The following CCDC13 variants were observed in gnomAD, a reference collection of about 807,000 sequenced individuals.
CCDC13 encodes the protein coiled-coil domain-containing protein 13.
Under a neutral mutation model 87.3 loss-of-function variants are expected in CCDC13, and 70 were observed. The observed-to-expected ratio is 0.80, with a 90% CI of 0.66 to 0.98. The LOEUF (loss-of-function observed/expected upper bound fraction) is 0.98. Among genes scored for constraint, CCDC13 ranks in the 50% least tolerant of loss-of-function variants. The probability of loss-of-function intolerance (pLI) is 0.00; values close to 1 mark genes in which losing one functional copy is unlikely to be tolerated. For missense variants in CCDC13, 842 were observed against 892.0 expected (o/e 0.94, Z 0.71); for synonymous variants, 317 against 360.3 (o/e 0.88, Z 1.36).
intron 14 of CCDC13, among the ~76,000 whole-genome samples, chr3:42,710,425 G>A (rs1698283034): frequency 1.3e-5 from 2 of 152,098 alleles, no homozygotes; most frequent in African/African-American, 2.4e-5. Context: ...GGCTGAGCCC[G>A]AGTCTAGACT....
intron 13 of CCDC13, among the ~76,000 whole-genome samples, chr3:42,721,927 T>G (rs1209907896): frequency 6.6e-6 from 1 of 152,198 alleles, no homozygotes; most frequent in Non-Finnish European, 1.5e-5. Context: ...TGGAACAGTA[T>G]TCTAATTCTG....
intron 9 of CCDC13, among the ~76,000 whole-genome samples, chr3:42,739,393 C>G (rs1455561092): frequency 6.6e-6 from 1 of 152,212 alleles, no homozygotes; most frequent in Non-Finnish European, 1.5e-5. Context: ...GTCCATAGGC[C>G]CAGTGCCTTG....
chr3:42,724,781 A>G (rs868420931), intron 13 of CCDC13, among the ~76,000 whole-genome samples: 10 of 151,588 alleles, frequency 6.6e-5, no homozygotes, highest in South Asian at 6.3e-4. Flanking sequence ...GACTGTTTTA[A>G]TATTAAAAAT....
chr3:42,759,946 G>A (rs1036384312), intron 1 of CCDC13, among the ~76,000 whole-genome samples: 3 of 152,016 alleles, frequency 2.0e-5, no homozygotes, highest in South Asian at 2.1e-4. Context: ...CGCCATCCTC[G>A]TCAGCATTTA....
chr3:42,722,025 T>C (rs1420898682), intron 13 of CCDC13, among the ~76,000 whole-genome samples: 1 of 152,256 alleles, frequency 6.6e-6, no homozygotes, highest in Non-Finnish European at 1.5e-5. Context: ...TTTAGTTTAC[T>C]TGGGATAATT....
chr3:42,730,972 G>T (rs1189702225), intron 12 of CCDC13, among the ~76,000 whole-genome samples: 1 of 152,016 alleles, frequency 6.6e-6, no homozygotes, highest in Non-Finnish European at 1.5e-5. Context: ...CAGTCTCTGT[G>T]TCCCTGCCAG....
intron 1 of CCDC13, among the ~76,000 whole-genome samples, chr3:42,769,477 T>C (rs1300706189): frequency 6.6e-6 from 1 of 152,254 alleles, no homozygotes; most frequent in African/African-American, 2.4e-5. Context: ...CATATTTACC[T>C]AAATGAGTTT....
intron 13 of CCDC13, among the ~76,000 whole-genome samples, chr3:42,727,966 C>T (rs559252160): frequency 5.3e-5 from 8 of 152,228 alleles, no homozygotes; most frequent in South Asian, 4.1e-4. Flanking sequence ...GTGGATTAAA[C>T]GATACTGTTC....
intron 1 of CCDC13, among the ~76,000 whole-genome samples, chr3:42,767,183 A>AC (rs1699948505): frequency 6.6e-6 from 1 of 152,236 alleles, no homozygotes; most frequent in Admixed American, 6.5e-5. Context: ...AAAAAAAAGA[A>AC]CAAAAAAACT....
At chr3:42,746,514 G>C (rs1458923345) in intron 6 of CCDC13, 1 of 165,328 alleles carries the variant, frequency 6.0e-6, no homozygotes, top group Non-Finnish European at 1.3e-5. Context: ...GAAGGACCCA[G>C]CTTTGCGGTT....
intron 1 of CCDC13, among the ~76,000 whole-genome samples, chr3:42,759,129 T>C (rs1477477607): frequency 6.6e-6 from 1 of 152,186 alleles, no homozygotes; most frequent in Admixed American, 6.5e-5. Context: ...GAGACCAGCC[T>C]GTATAACATG....
intron 14 of CCDC13, among the ~76,000 whole-genome samples, chr3:42,710,113 C>CTTT (rs1200200759): frequency 1.5e-5 from 2 of 137,506 alleles, no homozygotes; most frequent in African/African-American, 2.7e-5. Flanking sequence ...TTTTTTTTTT[C>CTTT]TTTTTTTTTT....
At chr3:42,755,022 A>G (rs1699674037) in intron 3 of CCDC13, among the ~76,000 whole-genome samples, 1 of 152,182 alleles carries the variant, frequency 6.6e-6, no homozygotes, top group Middle Eastern at 3.2e-3. Context: ...TATAACATTG[A>G]CTGATGGGAT....
intron 12 of CCDC13, chr3:42,732,478 C>A: frequency 5.0e-6 from 1 of 200,454 alleles, no homozygotes. Context: ...GGCCCATTTA[C>A]ACCCTCTGGC....
At position 42,758,240 on chromosome 3, in the gene CCDC13, T is replaced by C. The variant is rs1699752679; in HGVS notation, c.106A>G (p.Lys36Glu). The C allele has an allele frequency of 1.2e-6, 2 of 1,613,820 alleles. No individual in the cohort carries two copies. The highest frequency in any genetic ancestry group is 1.3e-5 in the African/African-American group (1 of 74,928). Residue 36 changes from lysine to glutamate, a missense_variant, in exon 2 of 16, where the codon AAA becomes GAA. By Grantham distance (56) the Lys-to-Glu change is moderately conservative. Coordinates refer to ENST00000310232, the MANE Select transcript of CCDC13 (RefSeq NM_144719.4). ...LQKQMEKKRE[K>E]ELSLKSRADD... is the part of the protein sequence containing the mutation. ...GCTCTGCTTTTGAGGCTCAGTTCTT[T>C]TTCCCTCTTTTTCTCCATCTGCTTC...
At chr3:42,724,820 G>T (rs1698651102) in intron 13 of CCDC13, among the ~76,000 whole-genome samples, 2 of 152,062 alleles carry the variant, frequency 1.3e-5, no homozygotes. Flanking sequence ...GTAACTGTGG[G>T]GGTGCTGGTA....
intron 11 of CCDC13, among the ~76,000 whole-genome samples, chr3:42,733,201 G>A (rs1247379626): frequency 1.3e-5 from 2 of 152,236 alleles, no homozygotes; most frequent in African/African-American, 2.4e-5. Context: ...GAAGGCCCCA[G>A]GGGCAGAAAA....
chr3:42,737,068 C>T (rs143957400), intron 9 of CCDC13, among the ~76,000 whole-genome samples: 2,528 of 152,172 alleles, frequency 0.017, 77 homozygotes, highest in African/African-American at 0.055. Context: ...CCCCCAGCCC[C>T]CCACCCACCG....
chr3:42,758,370 G>A lies in CCDC13; in HGVS notation c.-6-19C>T. ...TCCTGCCCTAGGCATCAGAAATGAA[G>A]CCTCAGCTGAAGCAAACTCCACACC... On this transcript the variant is annotated intron_variant, in intron 1 of 15. Coordinates refer to ENST00000310232, the MANE Select transcript of CCDC13 (RefSeq NM_144719.4). The A allele has an allele frequency of 1.2e-6, 2 of 1,608,362 alleles. No homozygotes were observed. The highest frequency in any genetic ancestry group is 1.7e-6 in the Non-Finnish European group (2 of 1,178,908).
Sources: allele counts gnomAD v4.1 joint callset (sites outside exome capture counted in the v4.1 genomes callset), GRCh38; gene constraint gnomAD v4.1.1; transcripts MANE v1.5; gene names NCBI Gene and HGNC (gene_info 2026-07-23, HGNC 2026-07-21).